Variants in JAK2 observed in about 807,000 individuals in gnomAD.
JAK2 encodes tyrosine-protein kinase JAK2.
A neutral mutation model predicts 139.3 loss-of-function variants in JAK2; 86 were observed. The observed-to-expected ratio is 0.62, with a 90% CI of 0.52 to 0.74. The LOEUF (loss-of-function observed/expected upper bound fraction) is 0.74. Ranked by LOEUF, JAK2 falls within the 30% of genes least tolerant of loss-of-function variation. The pLI is 0.00. For missense variants in JAK2, 1,421 were observed against 1,360.3 expected (o/e 1.04, Z -0.70); for synonymous variants, 490 against 437.7 (o/e 1.12, Z -1.49).
rs58424625 is a variant in JAK2 at position 5,062,500 on chromosome 9, T to TAAAAAAA, written c.1057-2358_1057-2352dup. On this transcript the variant is annotated intron_variant, in intron 8 of 24. Transcript: ENST00000381652. ...AAGTTTGTCAGAAACCTTCCATTTG[T>TAAAAAAA]AAAAAAAAAAAAAAAAAAAAAAAAA... 7.6e-4 allele frequency among the ~76,000 whole-genome samples: 44 copies of TAAAAAAA among 58,246 alleles called. 8 individuals carry two copies. Among genetic ancestry groups the TAAAAAAA allele is most frequent in the African/African-American group, 4.1e-3 (39 of 9,598 alleles). 38.2% of individuals were successfully genotyped at this position (58,246 alleles called of 152,430 possible).
intron 2 of JAK2, among the ~76,000 whole-genome samples, chr9:5,011,248 T>C (rs1244606270): frequency 6.6e-6 from 1 of 152,168 alleles, no homozygotes; most frequent in Non-Finnish European, 1.5e-5. Context: ...TTCAGTGGTG[T>C]GATCACGGCT....
At chr9:5,088,214 G>T (rs554702784) in intron 19 of JAK2, among the ~76,000 whole-genome samples, 1 of 151,996 alleles carries the variant, frequency 6.6e-6, no homozygotes, top group Non-Finnish European at 1.5e-5. Flanking sequence ...AATCTGACTT[G>T]AGAGTCCTGG....
At chr9:5,006,744 C>T (rs759812033) in intron 2 of JAK2, among the ~76,000 whole-genome samples, 2 of 152,230 alleles carry the variant, frequency 1.3e-5, no homozygotes, top group Non-Finnish European at 2.9e-5. Flanking sequence ...ATGACCCAGT[C>T]ACCTCTCACC....
chr9:5,126,273 GAGAA>G, intron 23 of JAK2, 56 bp from the exon 24 acceptor site: 1 of 1,236,654 alleles, frequency 8.1e-7, no homozygotes. Context: ...GGAGGAAATT[GAGAA>G]AGAATTTTGC....
At chr9:5,117,782 T>A (rs1368826589) in intron 22 of JAK2, among the ~76,000 whole-genome samples, 1 of 152,034 alleles carries the variant, frequency 6.6e-6, no homozygotes, top group Non-Finnish European at 1.5e-5. Flanking sequence ...TTTTTAAGAG[T>A]ATACGAGGAA....
At chr9:5,126,515 C>G (rs1181092208) in intron 24 of JAK2, 69 bp downstream of exon 24, 1 of 1,120,096 alleles carries the variant, frequency 8.9e-7, no homozygotes, top group Non-Finnish European at 1.3e-6. Context: ...GACTTCAGTT[C>G]ACTTCCTGAA....
chr9:5,118,508 C>G (rs1394750411), intron 22 of JAK2, among the ~76,000 whole-genome samples: 1 of 152,130 alleles, frequency 6.6e-6, no homozygotes, highest in African/African-American at 2.4e-5. Flanking sequence ...ATGTAAATAA[C>G]AAATTTGGAT....
chr9:5,094,598 A>G (rs755322896), intron 22 of JAK2: 1 of 152,104 alleles, frequency 6.6e-6, no homozygotes, highest in Non-Finnish European at 1.5e-5. Flanking sequence ...GACCGCTCCT[A>G]CCATCATGAC....
At chr9:5,074,690 A>G (rs565636080) in intron 14 of JAK2, among the ~76,000 whole-genome samples, 2 of 152,296 alleles carry the variant, frequency 1.3e-5, no homozygotes, top group East Asian at 1.9e-4. Context: ...TTTAATAATC[A>G]CACAATGGTC....
In JAK2 at chr9:5,064,956, C is replaced by A. The variant is rs55953208; in HGVS notation, c.1130C>A (p.Ala377Glu). 1 of 1,605,984 alleles carries A rather than the reference C, an allele frequency of 6.2e-7. No individual in the cohort carries two copies. Among genetic ancestry groups the A allele is most frequent in the Non-Finnish European group, 8.5e-7 (1 of 1,174,644 alleles). ...SLIDGYYRLT[A>E]DAHHYLCKEV... ...ATTGATGGATATTATAGATTAACTG[C>A]AGATGCACATCATTACCTCTGTAAA... Residue 377 changes from alanine (A) to glutamate (E), a missense_variant, in exon 9 of 25, where the codon GCA becomes GAA. Physicochemically the swap from Ala to Glu is moderately radical, Grantham distance 107 (BLOSUM62 -1). Coordinates refer to ENST00000381652, the MANE Select transcript of JAK2 (RefSeq NM_004972.4).
At chr9:5,084,930 A>G (rs1285243696) in intron 19 of JAK2, 1 of 568,454 alleles carries the variant, frequency 1.8e-6, no homozygotes, top group African/African-American at 1.9e-5. Flanking sequence ...GAAGCAAACA[A>G]AGTGTATTCC....
chr9:5,099,341 A>G (rs1821281325), intron 22 of JAK2: 1 of 152,230 alleles, frequency 6.6e-6, no homozygotes, highest in Non-Finnish European at 1.5e-5. Context: ...ATATCACTGT[A>G]AAGCTATTCA....
rs1303066147 is a variant in JAK2 at position 5,050,722 on chromosome 9, C to A, written c.505C>A (p.Pro169Thr). 6.2e-7 allele frequency: 1 copy of A among 1,613,522 alleles called. No individual in the cohort carries two copies. Among genetic ancestry groups the A allele is most frequent in the African/African-American group, 1.3e-5 (1 of 74,848 alleles). ...TTTTGTGCACGGATGGATAAAAGTA[C>A]CTGTGACTCATGAAACACAGGAAGA... ...HDFVHGWIKV[P>T]VTHETQEECL... The change falls in exon 6 of 25, where the codon CCT (proline) becomes ACT (threonine). Residue 169 changes from proline (P) to threonine (T), a missense_variant. Pro to Thr is a conservative substitution (Grantham distance 38). Coordinates refer to ENST00000381652, the MANE Select transcript of JAK2 (RefSeq NM_004972.4).
Position 5,000,164 on chromosome 9 carries a change from A to T in JAK2, c.-26+14142A>T, listed in dbSNP as rs947580018. 7.9e-5 allele frequency among the ~76,000 whole-genome samples: 12 copies of T among 151,434 alleles called. No individual in the cohort carries two copies. In the Middle Eastern group the frequency reaches 0.01, roughly 129 times the overall value. On this transcript the variant is annotated intron_variant, in intron 2 of 24. Coordinates refer to ENST00000381652, the MANE Select transcript of JAK2 (RefSeq NM_004972.4). ...GTATATATTTTTTCTGTTTTTTTTT[A>T]AAGTTTTGATTATAGTGTTTATAAT...
intron 4 of JAK2, chr9:5,041,776 A>G (rs889191259): frequency 2.0e-6 from 1 of 488,102 alleles, no homozygotes; most frequent in African/African-American, 2.0e-5. Context: ...CTGCCCTCCC[A>G]GCCTCAGCTT....
At chr9:5,031,366 T>C (rs1172198640) in intron 4 of JAK2, among the ~76,000 whole-genome samples, 1 of 152,182 alleles carries the variant, frequency 6.6e-6, no homozygotes, top group African/African-American at 2.4e-5. Context: ...TTCAGAATCA[T>C]AAACTAAATA....
intron 2 of JAK2, among the ~76,000 whole-genome samples, chr9:5,014,240 G>C (rs1306455010): frequency 6.2e-5 from 9 of 145,190 alleles, no homozygotes; most frequent in Admixed American, 5.7e-4. Context: ...CTGAGCTAAA[G>C]TGATCCTCTC....
At chr9:5,007,116 C>A (rs1821355330) in intron 2 of JAK2, among the ~76,000 whole-genome samples, 3 of 151,626 alleles carry the variant, frequency 2.0e-5, no homozygotes, top group Non-Finnish European at 4.4e-5. Flanking sequence ...TTTTATTTTT[C>A]TCTGATTTCT....
chr9:5,115,107 A>T lies in JAK2; in HGVS notation c.3060-7897A>T, dbSNP rs185023826. Among the ~76,000 whole-genome samples the T allele has an allele frequency of 4.0e-4, 61 of 152,270 alleles. No individual in the cohort carries two copies. The East Asian group carries it at 0.011, about 26-fold the overall frequency. ...ACTAAACAGCTGCATAGCAAAAGAAACTGATCAGAGTGAACAGGCTACCTA... is the reference window on the plus strand; with the variant it reads ...ACTAAACAGCTGCATAGCAAAAGAATCTGATCAGAGTGAACAGGCTACCTA... On this transcript the variant is annotated intron_variant, in intron 22 of 24. Transcript: ENST00000381652.
Sources: allele counts gnomAD v4.1 joint callset (sites outside exome capture counted in the v4.1 genomes callset), GRCh38; gene constraint gnomAD v4.1.1; transcripts MANE v1.5; gene names NCBI Gene and HGNC (gene_info 2026-07-23, HGNC 2026-07-21).